The following ANK3 variants were observed in gnomAD, a reference collection of about 807,000 sequenced individuals.
ANK3 encodes ankyrin-3.
A neutral mutation model predicts 370.9 loss-of-function variants in ANK3; 57 were observed. The ratio of observed to expected loss-of-function variants is 0.15; its 90% CI spans 0.12 to 0.19. The LOEUF (loss-of-function observed/expected upper bound fraction) is 0.19. ANK3 is among the 10% of genes least tolerant of loss of function. ANK3 has a pLI of 1.00. For missense variants in ANK3, 4,439 were observed against 5,302.1 expected (o/e 0.84, Z 5.06); for synonymous variants, 1,929 against 1,946.3 (o/e 0.99, Z 0.23).
At chr10:60,295,796 G>A (rs552046485) in intron 1 of ANK3, among the ~76,000 whole-genome samples, 1 of 151,992 alleles carries the variant, frequency 6.6e-6, no homozygotes, top group Non-Finnish European at 1.5e-5. Flanking sequence ...ATTAACAATG[G>A]CAATCTTGTT....
In ANK3 at chr10:60,172,986, G is replaced by A. The variant is rs374120694; in HGVS notation, c.2296C>T (p.Pro766Ser). 32 of 1,613,036 alleles carry A rather than the reference G, an allele frequency of 2.0e-5. No homozygotes were observed. The African/African-American group carries it at 3.5e-4, about 17-fold the overall frequency. Reference protein sequence around the residue: ...VNAKTKNGYTPLHQAAQQGHT... With the variant: ...VNAKTKNGYTSLHQAAQQGHT... ...CCCTGCTGTGCTGCTTGATGTAATG[G>A]CGTATACCCATTCTGTAGAAGGAAG... Residue 766 changes from proline (P) to serine (S), a missense_variant, in exon 20 of 44, where the codon CCA becomes TCA. Transcript: ENST00000280772.
rs544357242 is a variant in ANK3, at chr10:60,075,744, C to A, written c.5137G>T (p.Val1713Leu). The change falls in exon 37 of 44, where the codon GTA becomes TTA. Residue 1713 changes from valine (V) to leucine (L), a missense_variant. By Grantham distance (32) the Val-to-Leu change is conservative (BLOSUM62 1). This residue lies in a region of ANK3 where 679 missense variants were observed against 791.0 expected (regional missense o/e 0.86). Coordinates refer to ENST00000280772, the MANE Select transcript of ANK3 (RefSeq NM_020987.5). ...GAAATAGATCCATTGACTAATGCTA[C>A]CTCTGCATGTCCAGGCATCTGCTTC... ...PVKQMPGHAEVALVNGSISPL... is the reference protein window; with the variant it reads ...PVKQMPGHAELALVNGSISPL... 3.7e-6 allele frequency: 6 copies of A among 1,614,008 alleles called. No individual in the cohort carries two copies. Among genetic ancestry groups the A allele is most frequent in the African/African-American group, 1.3e-5 (1 of 74,898 alleles).
intron 23 of ANK3, chr10:60,140,155 T>C (rs1452589504): frequency 5.0e-6 from 3 of 604,578 alleles, no homozygotes; most frequent in Non-Finnish European, 8.6e-6. Flanking sequence ...GCTCAGCTTT[T>C]AAACTACCAA....
At chr10:60,343,058 C>T (rs1328682593) in intron 1 of ANK3, among the ~76,000 whole-genome samples, 1 of 152,080 alleles carries the variant, frequency 6.6e-6, no homozygotes, top group Non-Finnish European at 1.5e-5. Context: ...CAAACACAGG[C>T]AAGCAATCAA....
At chr10:60,223,393 C>T (rs896381329) in intron 8 of ANK3, among the ~76,000 whole-genome samples, 3 of 152,158 alleles carry the variant, frequency 2.0e-5, no homozygotes, top group Non-Finnish European at 2.9e-5. Context: ...GTAGTAGCCC[C>T]CTTTGGATAA....
chr10:60,613,829 T>A (rs1457486934), intron 2 of ANK3, among the ~76,000 whole-genome samples: 1 of 152,058 alleles, frequency 6.6e-6, no homozygotes, highest in East Asian at 1.9e-4. Context: ...ATCCCAGCAC[T>A]TTGGGAGGTC....
At chr10:60,318,920 T>G (rs993026819) in intron 1 of ANK3, among the ~76,000 whole-genome samples, 3 of 152,198 alleles carry the variant, frequency 2.0e-5, no homozygotes, top group Admixed American at 6.5e-5. Flanking sequence ...TTTCCCCAAG[T>G]GCCCGGTGGC....
chr10:60,649,389 A>C (rs1333721730), intron 1 of ANK3, among the ~76,000 whole-genome samples: 1 of 152,236 alleles, frequency 6.6e-6, no homozygotes, highest in Non-Finnish European at 1.5e-5. Context: ...CATTTAAGCT[A>C]TAAAAGCACA....
chr10:60,537,573 T>A (rs2076752686), intron 2 of ANK3, among the ~76,000 whole-genome samples: 1 of 151,912 alleles, frequency 6.6e-6, no homozygotes, highest in Admixed American at 6.6e-5. Flanking sequence ...ATATTCACAG[T>A]ACCCCAACTC....
chr10:60,490,636 C>T (rs1191490565), intron 2 of ANK3, among the ~76,000 whole-genome samples: 1 of 152,190 alleles, frequency 6.6e-6, no homozygotes, highest in Admixed American at 6.5e-5. Flanking sequence ...ATTGCTTCAC[C>T]AATTCTCCCT....
At chr10:60,270,304 A>G in intron 4 of ANK3, 75 bp from the exon 5 acceptor site, 2 of 930,210 alleles carry the variant, frequency 2.2e-6, no homozygotes, top group Non-Finnish European at 3.1e-6. Flanking sequence ...CTGATGATTT[A>G]TGCTCCAAGA....
intron 2 of ANK3, among the ~76,000 whole-genome samples, chr10:60,397,585 T>C (rs745879486): frequency 1.3e-4 from 20 of 152,184 alleles, no homozygotes; most frequent in Non-Finnish European, 2.9e-4. Flanking sequence ...CACTCAGGGT[T>C]CCTGAGTAGA....
At chr10:60,158,342 A>C (rs2095407321) in intron 23 of ANK3, among the ~76,000 whole-genome samples, 1 of 152,220 alleles carries the variant, frequency 6.6e-6, no homozygotes, top group Non-Finnish European at 1.5e-5. Flanking sequence ...CTAACACTGT[A>C]ATTGTGGTGT....
At chr10:60,677,345 G>A (rs370463880) in intron 1 of ANK3, among the ~76,000 whole-genome samples, 8 of 152,118 alleles carry the variant, frequency 5.3e-5, no homozygotes, top group African/African-American at 1.2e-4. Flanking sequence ...ATAGTTATAC[G>A]GTAGTAAGAA....
At chr10:60,705,803 T>C (rs2079606075) in intron 1 of ANK3, among the ~76,000 whole-genome samples, 1 of 146,270 alleles carries the variant, frequency 6.8e-6, no homozygotes, top group East Asian at 2.0e-4. Flanking sequence ...TGTTTTCTAC[T>C]AGAGGTTTTT....
At chr10:60,624,266 A>G (rs935670402) in intron 1 of ANK3, among the ~76,000 whole-genome samples, 6 of 152,166 alleles carry the variant, frequency 3.9e-5, no homozygotes, top group Non-Finnish European at 2.9e-5. Flanking sequence ...ATCAAAGCTA[A>G]TGGGGATGTA....
intron 2 of ANK3, among the ~76,000 whole-genome samples, chr10:60,463,102 C>G (rs2064928369): frequency 1.3e-5 from 2 of 152,052 alleles, no homozygotes; most frequent in South Asian, 4.1e-4. Context: ...CTGGGTTTCA[C>G]CACCTTTTTC....
intron 2 of ANK3, among the ~76,000 whole-genome samples, chr10:60,535,293 G>A (rs1416149476): frequency 2.0e-5 from 3 of 152,024 alleles, no homozygotes. Context: ...CATCCAGAAA[G>A]GGAAATTCCT....
chr10:60,438,877 A>C (rs2064223384), intron 2 of ANK3, among the ~76,000 whole-genome samples: 1 of 152,168 alleles, frequency 6.6e-6, no homozygotes, highest in Non-Finnish European at 1.5e-5. Flanking sequence ...CAGGAAGAAA[A>C]ATTTTTAAAT....
Sources: gnomAD v4.1 joint callset for allele counts (sites outside exome capture counted in the v4.1 genomes callset) on GRCh38, gnomAD v4.1.1 for gene constraint, gnomAD v4.1.1 regional missense constraint, MANE v1.5 for transcripts, NCBI Gene and HGNC (gene_info 2026-07-23, HGNC 2026-07-21) for gene names.